STAT4: variants seen among roughly 807,000 people sequenced by gnomAD.
STAT4 encodes signal transducer and activator of transcription 4.
STAT4 carries 42 observed loss-of-function variants against 110.5 expected under a neutral mutation model. That is an observed-to-expected ratio of 0.38 (90% confidence interval 0.30 to 0.49). The LOEUF (loss-of-function observed/expected upper bound fraction) is 0.49, where lower values mean the gene tolerates loss of function less well. STAT4 is among the 20% of genes least tolerant of loss of function. The probability of loss-of-function intolerance (pLI) is 0.95; values close to 1 mark genes in which losing one functional copy is unlikely to be tolerated. For synonymous variants in STAT4, 284 were observed against 302.2 expected, an observed-to-expected ratio of 0.94 and a Z score of 0.63; for missense variants, 632 against 887.9, an observed-to-expected ratio of 0.71 and a Z score of 3.66.
chr2:191,032,864 A>T lies in STAT4; in HGVS notation c.2044+94T>A. On this transcript the variant is annotated intron_variant, in intron 21 of 23. Coordinates refer to ENST00000392320, the MANE Select transcript of STAT4 (RefSeq NM_003151.4). This position sits in a 1 kb window ranked among gnomAD's most constrained non-coding sequence, Gnocchi z 4.9. ...TTAGATCTTACAGAAATCAGAGTAA[A>T]CAAGAAGGGGAACTTCATTTACTTT... 2 of 1,289,306 alleles carry T rather than the reference A, an allele frequency of 1.6e-6. No homozygotes were observed. The highest frequency in any genetic ancestry group is 3.0e-5 in the South Asian group (2 of 67,438). 79.9% of individuals were successfully genotyped at this position (1,289,306 alleles called of 1,614,324 possible).
rs111939963 is a variant in STAT4, at chr2:191,110,853, G to A, written c.274-34528C>T. ...GGCTGGAGTGCAGTGGCGCAGTCTC[G>A]TCTCACTGCAACCTCTGCCTCCTGG... On this transcript the variant is annotated intron_variant, in intron 3 of 23. Coordinates refer to ENST00000392320, the MANE Select transcript of STAT4 (RefSeq NM_003151.4). This position sits in a 1 kb window ranked among gnomAD's most constrained non-coding sequence, Gnocchi z 4.5. 3.3e-5 allele frequency among the ~76,000 whole-genome samples: 5 copies of A among 152,196 alleles called. No individual in the cohort carries two copies. The highest frequency in any genetic ancestry group is 1.9e-4 in the East Asian group (1 of 5,188).
In STAT4 at chr2:191,030,982, ATTG is replaced by A. The variant is rs776683947; in HGVS notation, c.2207_2209del (p.Thr736del). On this transcript the variant is annotated inframe_deletion, in exon 23 of 24. Transcript: ENST00000392320. This position sits in a 1 kb window ranked among gnomAD's most constrained non-coding sequence, Gnocchi z 4.4. ...ATAAAGGGAACATACTGCAGTTTCA[ATTG>A]TTGTGGGACTCAGGTTTTCTCTCAA... 5.6e-6 allele frequency: 9 copies of A among 1,613,672 alleles called. No individual in the cohort carries two copies. Among genetic ancestry groups the A allele is most frequent in the Non-Finnish European group, 6.8e-6 (8 of 1,179,694 alleles).
intron 15 of STAT4, among the ~76,000 whole-genome samples, chr2:191,040,164 G>A (rs778507464): frequency 2.6e-5 from 4 of 152,116 alleles, no homozygotes; most frequent in Non-Finnish European, 5.9e-5. Context: ...ATTCATTCAC[G>A]GTGTCCTGCC....
intron 3 of STAT4, among the ~76,000 whole-genome samples, chr2:191,126,543 A>T (rs1247196485): frequency 6.6e-6 from 1 of 152,184 alleles, no homozygotes; most frequent in African/African-American, 2.4e-5. Flanking sequence ...CAGCATCTGT[A>T]TCTCCCCACC....
chr2:191,100,454 C>T (rs1237709291), intron 3 of STAT4, among the ~76,000 whole-genome samples: 1 of 152,172 alleles, frequency 6.6e-6, no homozygotes, highest in Non-Finnish European at 1.5e-5. Flanking sequence ...GCAAAGTAGT[C>T]TTTGGGCTGG....
rs549331600 is a variant in STAT4 at position 191,135,187 on chromosome 2, C to A, written c.273+11426G>T. 4.0e-5 allele frequency among the ~76,000 whole-genome samples: 6 copies of A among 151,870 alleles called. No homozygotes were observed. Among genetic ancestry groups the A allele is most frequent in the Non-Finnish European group, 8.8e-5 (6 of 67,958 alleles). On this transcript the variant is annotated intron_variant, in intron 3 of 23. Transcript: ENST00000392320. This position sits in a 1 kb window ranked among gnomAD's most constrained non-coding sequence, Gnocchi z 4.8. ...CTAACCATAAAAAAGAGAGATGACC[C>A]AAATAAATAAAATCAGAAATGAAAA...
rs1392313678 is a variant in STAT4 at position 191,032,147 on chromosome 2, T to TCTTTTGTATTTTTGTTTATTTC, written c.2045-653_2045-632dup. Reference sequence around the variant, plus strand: ...GCCACAGGTTTGTTTGATTTTATTTTCTTTTGTATTTTTGTTTATTTCAGA... The same window carrying TCTTTTGTATTTTTGTTTATTTC: ...GCCACAGGTTTGTTTGATTTTATTTTCTTTTGTATTTTTGTTTATTTCCTTTTGTATTTTTGTTTATTTCAGA... On this transcript the variant is annotated intron_variant, in intron 21 of 23. Transcript: ENST00000392320. This position sits in a 1 kb window ranked among gnomAD's most constrained non-coding sequence, Gnocchi z 4.9. 3 of 152,274 alleles carry TCTTTTGTATTTTTGTTTATTTC rather than the reference T, an allele frequency of 2.0e-5. No homozygotes were observed. The highest frequency in any genetic ancestry group is 7.2e-5 in the African/African-American group (3 of 41,454). 9.4% of individuals were successfully genotyped at this position (152,274 alleles called of 1,614,324 possible).
chr2:191,091,800 G>A lies in STAT4; in HGVS notation c.274-15475C>T, dbSNP rs1002756781. On this transcript the variant is annotated intron_variant, in intron 3 of 23. Coordinates refer to ENST00000392320, the MANE Select transcript of STAT4 (RefSeq NM_003151.4). This position sits in a 1 kb window ranked among gnomAD's most constrained non-coding sequence, Gnocchi z 5.4. ...AGAACTGTTAAGTAACTTTAAGCCG[G>A]TATTCACTTTGACTCCAGAGTGTTG... 6.6e-6 allele frequency among the ~76,000 whole-genome samples: 1 copy of A among 152,124 alleles called. No homozygotes were observed. The highest frequency in any genetic ancestry group is 2.4e-5 in the African/African-American group (1 of 41,412).
At chr2:191,055,928 C>A (rs948660468) in intron 13 of STAT4, among the ~76,000 whole-genome samples, 2 of 152,088 alleles carry the variant, frequency 1.3e-5, no homozygotes, top group African/African-American at 4.8e-5. Flanking sequence ...GTTGAAAGTT[C>A]CTGGATGGTA....
rs773810325 is a variant in STAT4, at chr2:191,033,568, G to C, written c.1774C>G (p.Pro592Ala). ...CTGAATCTTAATAAAAAGGTGCCAG[G>C]CATTTTATCCTTTAGCAACAGCCGT... Reference protein sequence around the residue: ...KERLLLKDKMPGTFLLRFSES... With the variant: ...KERLLLKDKMAGTFLLRFSES... Residue 592 changes from proline (P) to alanine (A), a missense_variant, in exon 20 of 24, where the codon CCT becomes GCT. Pro to Ala is a conservative substitution (Grantham distance 27). Transcript: ENST00000392320. The surrounding 1 kb of genome is among the most constrained non-coding windows in gnomAD (Gnocchi z 6.9). The C allele has an allele frequency of 1.1e-5, 17 of 1,613,736 alleles. No homozygotes were observed. The highest frequency in any genetic ancestry group is 1.7e-5 in the Admixed American group (1 of 59,968).
Position 191,053,471 on chromosome 2 carries a change from G to A in STAT4, c.1251+1019C>T, listed in dbSNP as rs1286008987. Among the ~76,000 whole-genome samples the A allele has an allele frequency of 6.6e-6, 1 of 152,114 alleles. No homozygotes were observed. Among genetic ancestry groups the A allele is most frequent in the African/African-American group, 2.4e-5 (1 of 41,408 alleles). ...GGTCATTGACTTATGCCTTAGTTTC[G>A]AGGTCAGCTCAATAGATGTTCTCCA... On this transcript the variant is annotated intron_variant, in intron 14 of 23. Coordinates refer to ENST00000392320, the MANE Select transcript of STAT4 (RefSeq NM_003151.4). This position sits in a 1 kb window ranked among gnomAD's most constrained non-coding sequence, Gnocchi z 4.5.
rs1450917582 is a variant in STAT4, at chr2:191,107,627, C to A, written c.274-31302G>T. Among the ~76,000 whole-genome samples the A allele has an allele frequency of 6.6e-6, 1 of 152,210 alleles. No homozygotes were observed. The highest frequency in any genetic ancestry group is 1.9e-4 in the East Asian group (1 of 5,202). ...TACAGTTAAACATTATGCTATTACCCTTAAATTCTGTGTCCATCTTTTGGT... is the reference window on the plus strand; with the variant it reads ...TACAGTTAAACATTATGCTATTACCATTAAATTCTGTGTCCATCTTTTGGT... On this transcript the variant is annotated intron_variant, in intron 3 of 23. Coordinates refer to ENST00000392320, the MANE Select transcript of STAT4 (RefSeq NM_003151.4). This position sits in a 1 kb window ranked among gnomAD's most constrained non-coding sequence, Gnocchi z 4.2.
In STAT4 at chr2:191,142,084, GA is replaced by G. The variant is rs1264371558; in HGVS notation, c.273+4528del. On this transcript the variant is annotated intron_variant, in intron 3 of 23. Transcript: ENST00000392320. The surrounding 1 kb of genome is among the most constrained non-coding windows in gnomAD (Gnocchi z 4.1). ...CCCACTACTAGGTATTTATCCAAAG[GA>G]AAAAAAATTAGAATATAAAAGAGAT... Among the ~76,000 whole-genome samples, 2 of 151,492 alleles carry G rather than the reference GA, an allele frequency of 1.3e-5. No homozygotes were observed. The highest frequency in any genetic ancestry group is 4.8e-5 in the African/African-American group (2 of 41,254).
intron 3 of STAT4, 43 bp from the exon 4 acceptor site, chr2:191,076,368 T>G (rs1215278022): frequency 7.3e-7 from 1 of 1,364,698 alleles, no homozygotes; most frequent in Admixed American, 2.0e-5. Flanking sequence ...ACGTAAAGCT[T>G]AAATATATGT....
At chr2:191,072,170 T>G (rs1465494875) in intron 5 of STAT4, among the ~76,000 whole-genome samples, 1 of 152,204 alleles carries the variant, frequency 6.6e-6, no homozygotes, top group East Asian at 1.9e-4. Context: ...CCTTAGGATT[T>G]TAAAAGGAAT....
intron 3 of STAT4, among the ~76,000 whole-genome samples, chr2:191,132,476 C>A (rs1314836786): frequency 6.6e-6 from 1 of 151,558 alleles, no homozygotes; most frequent in African/African-American, 2.4e-5. Flanking sequence ...AAATTTGAAA[C>A]CTCAGGAATG....
In STAT4 at chr2:191,146,756, C is replaced by A; in HGVS notation, c.130G>T (p.Glu44Ter). 2 of 1,530,432 alleles carry A rather than the reference C, an allele frequency of 1.3e-6. No individual in the cohort carries two copies. Among genetic ancestry groups the A allele is most frequent in the South Asian group, 1.3e-5 (1 of 77,642 alleles). The allele number at this position is 1,530,432 out of a possible 1,614,324, so 94.8% of individuals were successfully genotyped here. Residue 44 changes from glutamate to a stop codon, truncating the protein, a stop_gained and splice_region_variant, in exon 3 of 24, where the codon GAG (glutamate) becomes TAG (stop). Coordinates refer to ENST00000392320, the MANE Select transcript of STAT4 (RefSeq NM_003151.4). LOFTEE classifies it high-confidence loss of function. This position sits in a 1 kb window ranked among gnomAD's most constrained non-coding sequence, Gnocchi z 4.5. ...LAQWIENQDW[E>*]AASNNETMAT... ...ATGGTTTCATTGTTAGAAGCTGCCT[C>A]CCTAAAAAAAAAAAGGATTATTACA...
intron 3 of STAT4, among the ~76,000 whole-genome samples, chr2:191,092,329 G>A (rs866974526): frequency 1.3e-5 from 2 of 152,090 alleles, no homozygotes; most frequent in East Asian, 1.9e-4. Context: ...GCTTGAACCC[G>A]GGAGGTGGAG....
chr2:191,065,203 T>C (rs1444334251), intron 7 of STAT4, among the ~76,000 whole-genome samples: 1 of 152,224 alleles, frequency 6.6e-6, no homozygotes, highest in Non-Finnish European at 1.5e-5. Flanking sequence ...TATAAATATA[T>C]TGAATGTGTA....
Sources: gnomAD v4.1 joint callset for allele counts (sites outside exome capture counted in the v4.1 genomes callset) on GRCh38, gnomAD v4.1.1 for gene constraint, Gnocchi (gnomAD v3.1) non-coding constraint, MANE v1.5 for transcripts, NCBI Gene and HGNC (gene_info 2026-07-23, HGNC 2026-07-21) for gene names.